The following HDAC7 variants were observed in gnomAD, a reference collection of about 807,000 sequenced individuals.
The protein encoded by HDAC7 is histone deacetylase 7.
A neutral mutation model predicts 115.5 loss-of-function variants in HDAC7; 26 were observed. That is an observed-to-expected ratio of 0.23 (90% CI 0.16 to 0.31). HDAC7 has a LOEUF of 0.31. Ranked by LOEUF, HDAC7 falls within the 10% of genes least tolerant of loss-of-function variation. The pLI is 1.00. For missense variants in HDAC7, 1,068 were observed against 1,329.0 expected, an observed-to-expected ratio of 0.80 and a Z score of 3.05; for synonymous variants, 564 against 550.9, an observed-to-expected ratio of 1.02 and a Z score of -0.33.
In HDAC7 at chr12:47,793,200, G is replaced by A. The variant is rs1051075712; in HGVS notation, c.1678+169C>T. 13 of 562,718 alleles carry A rather than the reference G, an allele frequency of 2.3e-5. No individual in the cohort carries two copies. Among genetic ancestry groups the A allele is most frequent in the South Asian group, 5.3e-5 (2 of 37,438 alleles). 34.9% of individuals were successfully genotyped at this position (562,718 alleles called of 1,614,324 possible). A position where few individuals can be genotyped will look rare whatever the true frequency, so the allele number is the denominator to read the frequency against. ...GATTTCGTGAGCCTTGGTCCTCATCGGCCAAATGCAATAACCAGCTGTTCC... is the reference window on the plus strand; with the variant it reads ...GATTTCGTGAGCCTTGGTCCTCATCAGCCAAATGCAATAACCAGCTGTTCC... On this transcript the variant is annotated intron_variant, in intron 13 of 25. Transcript: ENST00000080059. This position sits in a 1 kb window ranked among gnomAD's most constrained non-coding sequence, Gnocchi z 4.5.
chr12:47,808,122 G>C (rs1250652095), intron 1 of HDAC7, among the ~76,000 whole-genome samples: 1 of 152,238 alleles, frequency 6.6e-6, no homozygotes, highest in East Asian at 1.9e-4. Flanking sequence ...CTGGATGTAA[G>C]GGTGGCAACA....
rs771672194 is a variant in HDAC7 at position 47,784,350 on chromosome 12, G to A, written c.2792-133C>T. 180 of 932,076 alleles carry A rather than the reference G, an allele frequency of 1.9e-4. 4 individuals carry two copies. The Middle Eastern group carries it at 0.016, about 82-fold the overall frequency. The allele number at this position is 932,076 out of a possible 1,614,324, so 57.7% of individuals were successfully genotyped here. The stretch of plus-strand genomic sequence containing the variant: ...GCGGGCCTGTCCTCCACTTAGGGTC[G>A]GCTCTCCCACCTGCCCCTCTCCTCA... On this transcript the variant is annotated intron_variant, in intron 24 of 25. Transcript: ENST00000080059.
In HDAC7 at chr12:47,800,691, C is replaced by G. The variant is rs1488073584; in HGVS notation, c.70+1533G>C. Among the ~76,000 whole-genome samples the G allele has an allele frequency of 3.3e-5, 5 of 152,224 alleles. No homozygotes were observed. The East Asian group carries it at 9.6e-4, about 29-fold the overall frequency. ...GTCCTGGCTTCCCGGGGTGACTCCC[C>G]TGATTATGCAAGAGGGGCTTGGGGG... On this transcript the variant is annotated intron_variant, in intron 2 of 25. Coordinates refer to ENST00000080059, the MANE Select transcript of HDAC7 (RefSeq NM_015401.5).
At chr12:47,810,804 G>GTCTCTCTC (rs60132211) in intron 1 of HDAC7, among the ~76,000 whole-genome samples, 1,706 of 131,368 alleles carry the variant, frequency 0.013, 35 homozygotes, top group South Asian at 0.02. Flanking sequence ...GGAGGAAAAG[G>GTCTCTCTC]TCTCTCTCTC....
At chr12:47,784,454 C>A in intron 24 of HDAC7, 1 of 603,438 alleles carries the variant, frequency 1.7e-6, no homozygotes, top group Non-Finnish European at 2.9e-6. Flanking sequence ...CTAGCAGGTG[C>A]CCAGCCTTTC....
upstream of HDAC7, chr12:47,820,107 G>T (rs1348029191): frequency 6.6e-6 from 1 of 151,170 alleles, no homozygotes; most frequent in Admixed American, 6.6e-5. The surrounding 1 kb of genome is among the most constrained non-coding windows in gnomAD (Gnocchi z 4.3). Flanking sequence ...CGCGCGGCCA[G>T]ATCGCGGCGG....
chr12:47,797,584 G>T lies in HDAC7; in HGVS notation c.462-85C>A. The T allele has an allele frequency of 9.8e-7, 1 of 1,022,100 alleles. No individual in the cohort carries two copies. Among genetic ancestry groups the T allele is most frequent in the Non-Finnish European group, 1.5e-6 (1 of 689,254 alleles). 63.3% of individuals were successfully genotyped at this position (1,022,100 alleles called of 1,614,324 possible). ...TGAGCACGGGCCCTGGGACCTGAGG[G>T]GGAGGCTGCAGCGGGCAGGGCTGGG... On this transcript the variant is annotated intron_variant, in intron 5 of 25. Transcript: ENST00000080059. This position sits in a 1 kb window ranked among gnomAD's most constrained non-coding sequence, Gnocchi z 5.5.
intron 7 of HDAC7, 103 bp downstream of exon 7, chr12:47,796,914 G>A (rs1213060713): frequency 7.6e-7 from 1 of 1,317,634 alleles, no homozygotes; most frequent in Non-Finnish European, 1.0e-6. Context: ...ACCACGCATG[G>A]CAGTCCTAAG....
In HDAC7 at chr12:47,795,938, C is replaced by A; in HGVS notation, c.874G>T (p.Ala292Ser). The change falls in exon 9 of 26, where the codon GCA (alanine) becomes TCA (serine). Residue 292 changes from alanine to serine, a missense_variant. This residue lies in a region of HDAC7 where 618 missense variants were observed against 701.5 expected (regional missense o/e 0.88). Coordinates refer to ENST00000080059, the MANE Select transcript of HDAC7 (RefSeq NM_015401.5). This position sits in a 1 kb window ranked among gnomAD's most constrained non-coding sequence, Gnocchi z 4.3. ...FALPTVSLLP[A>S]ITLGLPAPAR... is the part of the protein sequence containing the mutation. ...GGGGCGGGCAGCCCCAGAGTGATTG[C>A]GGGCAGCAAGGACACTGTCGGCAAG... The A allele has an allele frequency of 6.4e-7, 1 of 1,550,948 alleles. No homozygotes were observed. Among genetic ancestry groups the A allele is most frequent in the East Asian group, 2.4e-5 (1 of 41,062 alleles).
intron 16 of HDAC7, 151 bp from the exon 17 acceptor site, chr12:47,790,071 A>G (rs985427313): frequency 6.4e-6 from 4 of 626,394 alleles, no homozygotes; most frequent in African/African-American, 5.5e-5. Flanking sequence ...GCCCAAAGGC[A>G]AGGCCTCCTG....
At chr12:47,820,788 C>T (rs1270190622), upstream of HDAC7, among the ~76,000 whole-genome samples, 1 of 151,762 alleles carries the variant, frequency 6.6e-6, no homozygotes, top group Non-Finnish European at 1.5e-5. This position sits in a 1 kb window ranked among gnomAD's most constrained non-coding sequence, Gnocchi z 4.3. Context: ...TCCCCCAGTG[C>T]ATTACAGCGG....
chr12:47,786,544 C>A, intron 22 of HDAC7, 41 bp downstream of exon 22: 2 of 1,438,814 alleles, frequency 1.4e-6, no homozygotes, highest in Non-Finnish European at 9.8e-7. Context: ...CACCGCCTGG[C>A]TCTCTGTCCC....
At chr12:47,820,898 C>A (rs1055316162), upstream of HDAC7, among the ~76,000 whole-genome samples, 2 of 152,192 alleles carry the variant, frequency 1.3e-5, no homozygotes, top group Non-Finnish European at 2.9e-5. This position sits in a 1 kb window ranked among gnomAD's most constrained non-coding sequence, Gnocchi z 4.3. Flanking sequence ...CAGTGGCCCT[C>A]CCTGCCTCTC....
In HDAC7 at chr12:47,798,743, C is replaced by A. The variant is rs1944010112; in HGVS notation, c.258+42G>T. ...TGCTGAAGGCGGGGAGGCTGGGGAC[C>A]AAGCTCAAGGTGGCCCCACATGCAG... On this transcript the variant is annotated intron_variant, in intron 3 of 25. Transcript: ENST00000080059. The surrounding 1 kb of genome is among the most constrained non-coding windows in gnomAD (Gnocchi z 4.3). 1.9e-6 allele frequency: 3 copies of A among 1,556,028 alleles called. No homozygotes were observed. Among genetic ancestry groups the A allele is most frequent in the South Asian group, 2.4e-5 (2 of 84,712 alleles).
At chr12:47,804,852 C>G (rs1354756157) in intron 1 of HDAC7, among the ~76,000 whole-genome samples, 1 of 152,128 alleles carries the variant, frequency 6.6e-6, no homozygotes, top group Non-Finnish European at 1.5e-5. Context: ...AAACTGACCT[C>G]CCTACTGCTC....
At chr12:47,802,190 C>T (rs774550079) in intron 2 of HDAC7, 34 bp downstream of exon 2, 1 of 1,604,506 alleles carries the variant, frequency 6.2e-7, no homozygotes. Context: ...ATCTTCCACT[C>T]CCTACCATGG....
At chr12:47,815,271 T>A (rs1459179389) in intron 1 of HDAC7, among the ~76,000 whole-genome samples, 2 of 152,150 alleles carry the variant, frequency 1.3e-5, no homozygotes, top group Non-Finnish European at 2.9e-5. Flanking sequence ...TCAGCCCCAA[T>A]TAGCACCAGC....
At chr12:47,796,421 GCTTT>G (rs1031285752) in intron 7 of HDAC7, 123 bp from the exon 8 acceptor site, 67 of 574,078 alleles carry the variant, frequency 1.2e-4, no homozygotes, top group Non-Finnish European at 1.4e-4. Context: ...TTTGCTTCCT[GCTTT>G]CTTTTTTTTT....
intron 1 of HDAC7, among the ~76,000 whole-genome samples, chr12:47,805,224 G>A (rs1029640628): frequency 6.6e-6 from 1 of 151,644 alleles, no homozygotes; most frequent in Admixed American, 6.6e-5. Flanking sequence ...TATGCACCAC[G>A]ATGCCTGGCT....
Sources: gnomAD v4.1 joint callset for allele counts (sites outside exome capture counted in the v4.1 genomes callset) on GRCh38, gnomAD v4.1.1 for gene constraint, gnomAD v4.1.1 regional missense constraint, Gnocchi (gnomAD v3.1) non-coding constraint, MANE v1.5 for transcripts, NCBI Gene and HGNC (gene_info 2026-07-23, HGNC 2026-07-21) for gene names.